Variants in PRKAR1B observed in about 807,000 individuals in gnomAD.
PRKAR1B encodes the protein cAMP-dependent protein kinase type I-beta regulatory subunit.
A neutral mutation model predicts 46.5 loss-of-function variants in PRKAR1B; 22 were observed. The observed-to-expected ratio is 0.47, with a 90% confidence interval of 0.34 to 0.68. PRKAR1B has a LOEUF of 0.68. Among genes scored for constraint, PRKAR1B ranks in the 30% least tolerant of loss-of-function variants. PRKAR1B has a pLI of 0.01. For synonymous variants in PRKAR1B, 259 were observed against 217.7 expected (o/e 1.19, Z -1.67); for missense variants, 445 against 535.6 (o/e 0.83, Z 1.67).
At chr7:708,624 T>C (rs1044520602) in intron 2 of PRKAR1B, among the ~76,000 whole-genome samples, 3 of 152,042 alleles carry the variant, frequency 2.0e-5, no homozygotes, top group East Asian at 1.9e-4. Flanking sequence ...GTAGTTGGGA[T>C]TACAGGCACA....
chr7:578,007 G>T (rs574416959), intron 9 of PRKAR1B, among the ~76,000 whole-genome samples: 1 of 152,240 alleles, frequency 6.6e-6, no homozygotes, highest in Non-Finnish European at 1.5e-5. Context: ...AATTTTCCGG[G>T]TCATCAGACC....
chr7:639,890 T>C (rs939024841), intron 4 of PRKAR1B, among the ~76,000 whole-genome samples: 1 of 147,414 alleles, frequency 6.8e-6, no homozygotes, highest in Non-Finnish European at 1.5e-5. Flanking sequence ...ACTGGCCGGG[T>C]GCAGTGGCTC....
At chr7:624,393 C>T (rs1783272041) in intron 4 of PRKAR1B, among the ~76,000 whole-genome samples, 4 of 152,128 alleles carry the variant, frequency 2.6e-5, no homozygotes, top group South Asian at 2.1e-4. Flanking sequence ...GATCGTGCCA[C>T]TGCACTCCAG....
chr7:705,997 G>A (rs1470940539), intron 2 of PRKAR1B, among the ~76,000 whole-genome samples: 1 of 151,820 alleles, frequency 6.6e-6, no homozygotes, highest in African/African-American at 2.4e-5. Flanking sequence ...CTGCTCTCCA[G>A]CCTGGGCAAC....
At chr7:553,787 T>C (rs1784394444) in intron 9 of PRKAR1B, among the ~76,000 whole-genome samples, 1 of 152,168 alleles carries the variant, frequency 6.6e-6, no homozygotes, top group Non-Finnish European at 1.5e-5. Flanking sequence ...ACGCCTAGAA[T>C]CTCCAGGCAC....
chr7:709,669 CGT>C (rs1386452408), intron 2 of PRKAR1B, among the ~76,000 whole-genome samples: 1 of 151,896 alleles, frequency 6.6e-6, no homozygotes, highest in Non-Finnish European at 1.5e-5. Context: ...TGCACCCAGC[CGT>C]GTGTATGTAT....
chr7:712,173 C>T (rs1418087649), intron 1 of PRKAR1B, among the ~76,000 whole-genome samples: 10 of 150,158 alleles, frequency 6.7e-5, no homozygotes, highest in African/African-American at 2.2e-4. Context: ...CCCGCCACGC[C>T]GCCCCCGGAG....
chr7:579,514 A>G (rs1780060786), intron 8 of PRKAR1B, 137 bp from the exon 9 acceptor site: 2 of 1,163,064 alleles, frequency 1.7e-6, no homozygotes, highest in East Asian at 5.0e-5. Context: ...AGTAAGCTGC[A>G]TAAGATGAGG....
intron 9 of PRKAR1B, among the ~76,000 whole-genome samples, chr7:572,967 C>T (rs765916663): frequency 3.3e-5 from 5 of 152,220 alleles, no homozygotes; most frequent in South Asian, 2.1e-4. Context: ...GAAAAACAAA[C>T]GGCGGCCACG....
At chr7:616,455 T>C (rs1451735525) in intron 4 of PRKAR1B, among the ~76,000 whole-genome samples, 1 of 152,222 alleles carries the variant, frequency 6.6e-6, no homozygotes, top group Non-Finnish European at 1.5e-5. Context: ...GGGGACCAGC[T>C]GGGAAACAGT....
intron 9 of PRKAR1B, among the ~76,000 whole-genome samples, chr7:553,972 A>G (rs1784410819): frequency 6.6e-6 from 1 of 152,228 alleles, no homozygotes; most frequent in African/African-American, 2.4e-5. Flanking sequence ...GGAGACAGGG[A>G]GCGTGCCCTC....
intron 6 of PRKAR1B, among the ~76,000 whole-genome samples, chr7:598,981 T>C (rs906370975): frequency 4.6e-5 from 7 of 152,230 alleles, no homozygotes; most frequent in Non-Finnish European, 7.3e-5. Flanking sequence ...CTCCCAGCTT[T>C]CTGGGATTCT....
intron 9 of PRKAR1B, among the ~76,000 whole-genome samples, chr7:566,395 A>ATCC (rs142896397): frequency 2.9e-4 from 1 of 3,504 alleles, no homozygotes; most frequent in Non-Finnish European, 7.4e-4. Flanking sequence ...CACCACCATC[A>ATCC]CCACCACTTC....
intron 9 of PRKAR1B, among the ~76,000 whole-genome samples, chr7:566,390 C>T (rs62651771): frequency 4.6e-4 from 69 of 149,784 alleles, no homozygotes; most frequent in South Asian, 8.4e-4. Context: ...CTCATCACCA[C>T]CATCACCACC....
At chr7:584,332 T>C (rs1780478020) in intron 8 of PRKAR1B, among the ~76,000 whole-genome samples, 176 bp downstream of exon 8, 1 of 152,174 alleles carries the variant, frequency 6.6e-6, no homozygotes, top group Non-Finnish European at 1.5e-5. Flanking sequence ...CAAGTGACAG[T>C]GTGTGTCATC....
Position 644,887 on chromosome 7 carries a change from GAGGCCGCCC to G in PRKAR1B, c.440+32333_440+32341del, listed in dbSNP as rs1784552424. On this transcript the variant is annotated intron_variant, in intron 4 of 10. Transcript: ENST00000537384. This position sits in a 1 kb window ranked among gnomAD's most constrained non-coding sequence, Gnocchi z 4.9. Reference sequence around the variant, plus strand: ...CAGAGCTGAGTCCTGGGCCTGCTCAGAGGCCGCCCAGGCCACCCCGTCTCACGATGGGGA... The same window carrying G: ...CAGAGCTGAGTCCTGGGCCTGCTCAGAGGCCACCCCGTCTCACGATGGGGA... Among the ~76,000 whole-genome samples, 1 of 152,198 alleles carries G rather than the reference GAGGCCGCCC, an allele frequency of 6.6e-6. No homozygotes were observed. The highest frequency in any genetic ancestry group is 2.4e-5 in the African/African-American group (1 of 41,444).
At chr7:657,757 C>T (rs1487720281) in intron 4 of PRKAR1B, among the ~76,000 whole-genome samples, 1 of 152,160 alleles carries the variant, frequency 6.6e-6, no homozygotes, top group East Asian at 1.9e-4. Flanking sequence ...AAGCATGAAC[C>T]AGCTGTCACC....
chr7:596,419 G>T, intron 6 of PRKAR1B, 115 bp from the exon 7 acceptor site: 1 of 1,294,442 alleles, frequency 7.7e-7, no homozygotes, highest in Non-Finnish European at 1.0e-6. Context: ...GCAGGGCGGG[G>T]CACAAGCCCT....
At chr7:586,051 C>T (rs925798194) in intron 7 of PRKAR1B, among the ~76,000 whole-genome samples, 1 of 152,118 alleles carries the variant, frequency 6.6e-6, no homozygotes, top group Non-Finnish European at 1.5e-5. Context: ...CTCCTTCCTG[C>T]TGACTGGCAT....
Sources: allele counts gnomAD v4.1 joint callset (sites outside exome capture counted in the v4.1 genomes callset), GRCh38; gene constraint gnomAD v4.1.1; non-coding constraint Gnocchi (gnomAD v3.1); transcripts MANE v1.5; gene names NCBI Gene and HGNC (gene_info 2026-07-23, HGNC 2026-07-21).